Variants in GRIN2B observed in about 807,000 individuals in gnomAD.
GRIN2B encodes glutamate receptor ionotropic, NMDA 2B.
Under a neutral mutation model 114.5 loss-of-function variants are expected in GRIN2B, and 5 were observed. That is an observed-to-expected ratio of 0.04 (90% CI 0.02 to 0.09). The LOEUF is 0.09. Among genes scored for constraint, GRIN2B ranks in the 10% least tolerant of loss-of-function variants. GRIN2B has a pLI of 1.00. For missense variants in GRIN2B, 1,108 were observed against 1,943.5 expected, an observed-to-expected ratio of 0.57 and a Z score of 8.08; for synonymous variants, 787 against 745.1, an observed-to-expected ratio of 1.06 and a Z score of -0.92.
chr12:13,650,522 G>T (rs1327509375), intron 5 of GRIN2B, among the ~76,000 whole-genome samples: 1 of 151,992 alleles, frequency 6.6e-6, no homozygotes, highest in Admixed American at 6.6e-5. Flanking sequence ...ATCTTAAAAG[G>T]TAGAGATTCA....
At chr12:13,968,054 C>A (rs1483693713) in intron 2 of GRIN2B, among the ~76,000 whole-genome samples, 1 of 152,184 alleles carries the variant, frequency 6.6e-6, no homozygotes, top group Admixed American at 6.5e-5. Context: ...ATCTAGTTTT[C>A]TCAATAAAAT....
At chr12:13,570,767 A>C (rs1397943565) in intron 11 of GRIN2B, among the ~76,000 whole-genome samples, 1 of 152,274 alleles carries the variant, frequency 6.6e-6, no homozygotes, top group East Asian at 1.9e-4. Context: ...ACATTTAAAC[A>C]TATCAAAGGT....
At chr12:13,975,073 A>G (rs1862996142) in intron 2 of GRIN2B, among the ~76,000 whole-genome samples, 1 of 152,206 alleles carries the variant, frequency 6.6e-6, no homozygotes, top group Non-Finnish European at 1.5e-5. Context: ...ACTTAAATAT[A>G]CAGGTTTCTT....
At chr12:13,742,265 C>T (rs765913847) in intron 4 of GRIN2B, among the ~76,000 whole-genome samples, 3 of 152,180 alleles carry the variant, frequency 2.0e-5, no homozygotes, top group Admixed American at 1.3e-4. Context: ...ATATCTTCCA[C>T]TCTTTTCCAT....
rs1207171603 is a variant in GRIN2B, at chr12:13,548,919, A to G, written c.*13864T>C. 3.3e-5 allele frequency: 5 copies of G among 152,102 alleles called. No homozygotes were observed. Among genetic ancestry groups the G allele is most frequent in the African/African-American group, 1.2e-4 (5 of 41,396 alleles). 9.4% of individuals were successfully genotyped at this position (152,102 alleles called of 1,614,324 possible). A position where few individuals can be genotyped will look rare whatever the true frequency, so the allele number is the denominator to read the frequency against. ...CAGTACACTCTGAAGTTGATGGTAT[A>G]GAAGTCTCCTCACTCATTCATCTAA... is the stretch of plus-strand genomic sequence containing the variant. On this transcript the variant is annotated 3_prime_UTR_variant, in exon 14 of 14. Transcript: ENST00000609686.
At chr12:13,869,241 CT>C (rs377460231) in intron 2 of GRIN2B, among the ~76,000 whole-genome samples, 28,513 of 126,928 alleles carry the variant, frequency 0.22, 2,532 homozygotes, top group East Asian at 0.29. Context: ...CTTTTTTTTT[CT>C]TTTTTTTTTT....
intron 5 of GRIN2B, among the ~76,000 whole-genome samples, chr12:13,631,697 G>C (rs966115351): frequency 2.0e-5 from 3 of 152,196 alleles, no homozygotes; most frequent in Non-Finnish European, 4.4e-5. Context: ...TTCAAATCCT[G>C]ATTTGCCTCA....
chr12:13,611,488 T>C (rs951328801), intron 9 of GRIN2B, among the ~76,000 whole-genome samples: 1 of 152,200 alleles, frequency 6.6e-6, no homozygotes, highest in African/African-American at 2.4e-5. Context: ...TCTCCTTTAC[T>C]TGGGAGTGAA....
chr12:13,780,338 G>A (rs1373869033), intron 3 of GRIN2B, among the ~76,000 whole-genome samples: 1 of 151,926 alleles, frequency 6.6e-6, no homozygotes, highest in Non-Finnish European at 1.5e-5. Context: ...CTCTGTGCCT[G>A]AATTCTAGCC....
At chr12:13,913,798 G>T (rs1450328038) in intron 2 of GRIN2B, among the ~76,000 whole-genome samples, 1 of 152,016 alleles carries the variant, frequency 6.6e-6, no homozygotes. Flanking sequence ...GTTTCTCAGG[G>T]ACCACTTTCT....
chr12:13,921,569 C>A (rs1290183154), intron 2 of GRIN2B, among the ~76,000 whole-genome samples: 1 of 152,170 alleles, frequency 6.6e-6, no homozygotes, highest in Non-Finnish European at 1.5e-5. Flanking sequence ...ACACACTGCA[C>A]ATCTTTCTCT....
intron 4 of GRIN2B, among the ~76,000 whole-genome samples, chr12:13,722,808 CTTGA>C (rs756300461): frequency 6.6e-6 from 1 of 152,068 alleles, no homozygotes; most frequent in East Asian, 1.9e-4. Flanking sequence ...ACTGGAGTTG[CTTGA>C]TTGCTTCCAG....
intron 5 of GRIN2B, among the ~76,000 whole-genome samples, chr12:13,657,068 C>A (rs1207091968): frequency 6.6e-6 from 1 of 152,104 alleles, no homozygotes; most frequent in Non-Finnish European, 1.5e-5. Flanking sequence ...ATGGGATTGC[C>A]AGAGTAGGGA....
At position 13,775,453 on chromosome 12, in the gene GRIN2B, G is replaced by A. The variant is rs1016016873; in HGVS notation, c.412-21538C>T. On this transcript the variant is annotated intron_variant, in intron 3 of 13. Coordinates refer to ENST00000609686, the MANE Select transcript of GRIN2B (RefSeq NM_000834.5). ...TCTCCGGGTAAATGAGATGGTACCCGGGAAGCACTTAGCATAGTGCTGGGC... is the reference window on the plus strand; with the variant it reads ...TCTCCGGGTAAATGAGATGGTACCCAGGAAGCACTTAGCATAGTGCTGGGC... Among the ~76,000 whole-genome samples the A allele has an allele frequency of 2.9e-4, 44 of 152,166 alleles. 1 individual carries two copies. The highest frequency in any genetic ancestry group is 5.9e-5 in the Non-Finnish European group (4 of 68,040).
intron 13 of GRIN2B, among the ~76,000 whole-genome samples, chr12:13,565,704 G>A (rs1948630008): frequency 6.6e-6 from 1 of 152,156 alleles, no homozygotes; most frequent in Non-Finnish European, 1.5e-5. Context: ...ATAATGAACG[G>A]GACTAATTTG....
intron 2 of GRIN2B, among the ~76,000 whole-genome samples, chr12:13,895,825 C>G (rs1328428661): frequency 6.6e-6 from 1 of 152,140 alleles, no homozygotes. Context: ...GCTCCTCTAA[C>G]TTCAAGTTCT....
In GRIN2B at chr12:13,825,506, G is replaced by T. The variant is rs1164453337; in HGVS notation, c.411+40292C>A. On this transcript the variant is annotated intron_variant, in intron 3 of 13. Coordinates refer to ENST00000609686, the MANE Select transcript of GRIN2B (RefSeq NM_000834.5). ...AAATATATATATATTTTGTGTGTGT[G>T]TGTGTGTGTGTGTGTGTGTGTGTGT... 3.3e-3 allele frequency among the ~76,000 whole-genome samples: 426 copies of T among 129,478 alleles called. 5 individuals are homozygous for T. The highest frequency in any genetic ancestry group is 0.016 in the Middle Eastern group (4 of 256). The allele number at this position is 129,478 out of a possible 152,430, so 84.9% of individuals were successfully genotyped here. A position where few individuals can be genotyped will look rare whatever the true frequency, so the allele number is the denominator to read the frequency against.
intron 8 of GRIN2B, among the ~76,000 whole-genome samples, chr12:13,614,016 CAAAAAAAAAA>C (rs77527098): frequency 2.6e-4 from 24 of 92,908 alleles, no homozygotes; most frequent in Non-Finnish European, 3.4e-4. Context: ...CCTTGCACAG[CAAAAAAAAAA>C]AAAAAAAAAA....
intron 4 of GRIN2B, among the ~76,000 whole-genome samples, chr12:13,701,045 C>T (rs7977556): frequency 0.025 from 3,799 of 152,194 alleles, 144 homozygotes; most frequent in African/African-American, 0.085. Context: ...GAAGGGGAAA[C>T]GAGGCACCTA....
Sources: allele counts gnomAD v4.1 joint callset (sites outside exome capture counted in the v4.1 genomes callset), GRCh38; gene constraint gnomAD v4.1.1; transcripts MANE v1.5; gene names NCBI Gene and HGNC (gene_info 2026-07-23, HGNC 2026-07-21).